EXOC6: variants seen among roughly 807,000 people sequenced by gnomAD.
EXOC6 encodes exocyst complex component 6.
A neutral mutation model predicts 112.5 loss-of-function variants in EXOC6; 60 were observed. The observed-to-expected ratio is 0.53, with a 90% CI of 0.43 to 0.66. EXOC6 has a LOEUF of 0.66. EXOC6 is among the 30% of genes least tolerant of loss of function. The pLI is 0.00. For synonymous variants in EXOC6, 295 were observed against 308.0 expected (o/e 0.96, Z 0.44); for missense variants, 855 against 957.1 (o/e 0.89, Z 1.41).
chr10:92,837,568 G>T (rs1049271299), intron 1 of EXOC6, among the ~76,000 whole-genome samples: 2 of 152,132 alleles, frequency 1.3e-5, no homozygotes, highest in Non-Finnish European at 2.9e-5. Context: ...GAGGCCAAAG[G>T]GGGAGGCTCA....
chr10:92,844,825 G>A (rs151173307), upstream of EXOC6, among the ~76,000 whole-genome samples: 66 of 152,204 alleles, frequency 4.3e-4, no homozygotes, highest in Middle Eastern at 6.8e-3. Context: ...CTTGAAGAAC[G>A]TGAGCCTTAG....
chr10:92,898,147 G>A (rs1457516281), intron 4 of EXOC6, among the ~76,000 whole-genome samples: 1 of 151,922 alleles, frequency 6.6e-6, no homozygotes, highest in African/African-American at 2.4e-5. Context: ...GCTTGGGCAT[G>A]GTGACTCATG....
intron 18 of EXOC6, among the ~76,000 whole-genome samples, chr10:92,993,331 C>T (rs889518307): frequency 6.6e-6 from 1 of 152,046 alleles, no homozygotes; most frequent in Non-Finnish European, 1.5e-5. Flanking sequence ...AATGGACTCT[C>T]CTGGAATCAT....
At chr10:93,042,208 A>G (rs1051724740) in intron 20 of EXOC6, among the ~76,000 whole-genome samples, 3 of 152,062 alleles carry the variant, frequency 2.0e-5, no homozygotes, top group African/African-American at 7.2e-5. Flanking sequence ...GTCTTTCCTC[A>G]CACTGTTCCA....
rs1308845990 is a variant in EXOC6, at chr10:92,911,233, C to A, written c.663+1602C>A. On this transcript the variant is annotated intron_variant, in intron 6 of 21. Coordinates refer to ENST00000260762, the MANE Select transcript of EXOC6 (RefSeq NM_019053.6). ...TGATTTTTTTTTCCCCCAAGTATTA[C>A]AAACTACTTTGGAAACTCCTAAGTC... Among the ~76,000 whole-genome samples, 3 of 152,198 alleles carry A rather than the reference C, an allele frequency of 2.0e-5. No individual in the cohort carries two copies. In the East Asian group the frequency reaches 5.8e-4, roughly 29 times the overall value.
chr10:92,954,601 A>G (rs1319701317), intron 15 of EXOC6, 29 bp from the exon 16 acceptor site: 1 of 1,083,972 alleles, frequency 9.2e-7, no homozygotes, highest in African/African-American at 1.6e-5. Context: ...TTATTTATTA[A>G]GTTTAATAAT....
Position 92,997,269 on chromosome 10 carries a change from G to C in EXOC6, c.1954-205G>C, listed in dbSNP as rs562017839. On this transcript the variant is annotated intron_variant, in intron 18 of 21. Coordinates refer to ENST00000260762, the MANE Select transcript of EXOC6 (RefSeq NM_019053.6). Reference sequence around the variant, plus strand: ...TTAATGATATTTATATCCTGAGAAAGCCAAGTAAACTAAGAATATTAATGT... The same window carrying C: ...TTAATGATATTTATATCCTGAGAAACCCAAGTAAACTAAGAATATTAATGT... Among the ~76,000 whole-genome samples the C allele has an allele frequency of 7.2e-4, 110 of 152,184 alleles. 5 individuals are homozygous for C. The South Asian group carries it at 0.016, about 22-fold the overall frequency.
intron 20 of EXOC6, among the ~76,000 whole-genome samples, chr10:93,029,078 C>T (rs12416051): frequency 0.13 from 19,690 of 152,098 alleles, 1,431 homozygotes; most frequent in African/African-American, 0.18. Context: ...GCAATCACCA[C>T]CCGAATGAGT....
intron 20 of EXOC6, among the ~76,000 whole-genome samples, chr10:93,028,972 T>G (rs1845147606): frequency 6.6e-6 from 1 of 152,176 alleles, no homozygotes; most frequent in Admixed American, 6.5e-5. Flanking sequence ...GTATCCATGC[T>G]TCAGAGATAC....
chr10:92,980,085 G>T (rs1479524542), intron 18 of EXOC6, among the ~76,000 whole-genome samples: 2 of 152,026 alleles, frequency 1.3e-5, no homozygotes, highest in African/African-American at 4.8e-5. Context: ...AAGCTTCCCT[G>T]CTAAATATAG....
At chr10:92,863,949 A>C (rs546679137) in intron 1 of EXOC6, among the ~76,000 whole-genome samples, 209 of 151,852 alleles carry the variant, frequency 1.4e-3, no homozygotes, top group Non-Finnish European at 2.1e-3. Flanking sequence ...AACAAAAAAA[A>C]AAGAAAAAAA....
At chr10:92,912,070 G>A (rs1183042377) in intron 6 of EXOC6, among the ~76,000 whole-genome samples, 1 of 151,014 alleles carries the variant, frequency 6.6e-6, no homozygotes, top group Non-Finnish European at 1.5e-5. Context: ...GGTGGCATGA[G>A]TGTAAAGCTT....
Position 92,908,057 on chromosome 10 carries a change from C to CTTTTT in EXOC6, c.459-1354_459-1350dup, listed in dbSNP as rs10632745. 5.9e-3 allele frequency among the ~76,000 whole-genome samples: 591 copies of CTTTTT among 100,574 alleles called. 22 individuals are homozygous for CTTTTT. Among genetic ancestry groups the CTTTTT allele is most frequent in the African/African-American group, 0.011 (287 of 25,214 alleles). 66.0% of individuals were successfully genotyped at this position (100,574 alleles called of 152,430 possible). ...TTAAAACAGCTTTTGAATATAATGTCTTTTTTTTTTTTTTTTTTTTGAGAA... is the reference window on the plus strand; with the variant it reads ...TTAAAACAGCTTTTGAATATAATGTCTTTTTTTTTTTTTTTTTTTTTTTTTGAGAA... On this transcript the variant is annotated intron_variant, in intron 5 of 21. Coordinates refer to ENST00000260762, the MANE Select transcript of EXOC6 (RefSeq NM_019053.6).
chr10:92,956,621 C>T (rs1215447112), intron 17 of EXOC6, among the ~76,000 whole-genome samples: 1 of 152,098 alleles, frequency 6.6e-6, no homozygotes, highest in Non-Finnish European at 1.5e-5. Flanking sequence ...AAATATTATG[C>T]TCCTCTGGTG....
intron 20 of EXOC6, among the ~76,000 whole-genome samples, chr10:93,046,873 C>G (rs1846023575): frequency 6.6e-6 from 1 of 152,068 alleles, no homozygotes; most frequent in African/African-American, 2.4e-5. Context: ...GCTGGGATTA[C>G]AGGTGTGAGC....
At chr10:92,935,771 T>C in intron 11 of EXOC6, 43 bp from the exon 12 acceptor site, 1 of 1,288,772 alleles carries the variant, frequency 7.8e-7, no homozygotes, top group Non-Finnish European at 1.1e-6. Flanking sequence ...CTCTGGTTTG[T>C]TGTTGTCGGT....
At chr10:93,052,677 TTTGC>T in intron 20 of EXOC6, among the ~76,000 whole-genome samples, 1 of 152,374 alleles carries the variant, frequency 6.6e-6, no homozygotes, top group East Asian at 1.9e-4. Flanking sequence ...TCATCTGTAC[TTTGC>T]TTACTTCCCA....
At chr10:92,893,785 A>G (rs949273521) in intron 2 of EXOC6, among the ~76,000 whole-genome samples, 1 of 152,196 alleles carries the variant, frequency 6.6e-6, no homozygotes, top group African/African-American at 2.4e-5. Context: ...GCATACAATG[A>G]AAGGCCCTAT....
intron 18 of EXOC6, among the ~76,000 whole-genome samples, chr10:92,988,122 T>C (rs1843082479): frequency 6.6e-6 from 1 of 152,210 alleles, no homozygotes; most frequent in South Asian, 2.1e-4. Flanking sequence ...CAAACTGCAC[T>C]CGTAGAAGTC....
Sources: allele counts gnomAD v4.1 joint callset (sites outside exome capture counted in the v4.1 genomes callset), GRCh38; gene constraint gnomAD v4.1.1; transcripts MANE v1.5; gene names NCBI Gene and HGNC (gene_info 2026-07-23, HGNC 2026-07-21).